Variants in KIAA0232 observed in about 807,000 individuals in gnomAD.
The protein encoded by KIAA0232 is uncharacterized protein KIAA0232.
Under a neutral mutation model 122.0 loss-of-function variants are expected in KIAA0232, and 27 were observed. That is an observed-to-expected ratio of 0.22 (90% confidence interval 0.16 to 0.31). KIAA0232 has a LOEUF of 0.31. Ranked by LOEUF, KIAA0232 falls within the 10% of genes least tolerant of loss-of-function variation. The pLI is 1.00. For synonymous variants in KIAA0232, 613 were observed against 587.6 expected (o/e 1.04, Z -0.63); for missense variants, 1,551 against 1,634.2 (o/e 0.95, Z 0.88).
chr4:6,846,401 G>A (rs533766392), intron 4 of KIAA0232, among the ~76,000 whole-genome samples: 1 of 152,144 alleles, frequency 6.6e-6, no homozygotes, highest in Non-Finnish European at 1.5e-5. Flanking sequence ...AAGCTTTACC[G>A]CCTGAGCTCC....
intron 7 of KIAA0232, among the ~76,000 whole-genome samples, chr4:6,871,144 A>T (rs184394329): frequency 6.2e-4 from 95 of 152,164 alleles, no homozygotes; most frequent in Admixed American, 1.7e-3. Flanking sequence ...ATAAAAACTC[A>T]CCAGTTGGCT....
At chr4:6,829,765 A>C (rs1718871995) in intron 3 of KIAA0232, among the ~76,000 whole-genome samples, 1 of 152,248 alleles carries the variant, frequency 6.6e-6, no homozygotes, top group Non-Finnish European at 1.5e-5. Flanking sequence ...GACTAAAAGG[A>C]GAACTTCAGT....
chr4:6,844,277 A>G (rs1719837065), intron 4 of KIAA0232, among the ~76,000 whole-genome samples: 1 of 151,892 alleles, frequency 6.6e-6, no homozygotes, highest in African/African-American at 2.4e-5. Flanking sequence ...TGCCTAGCAC[A>G]GTGAGTGCTT....
chr4:6,826,151 A>G (rs1023530631), intron 3 of KIAA0232, among the ~76,000 whole-genome samples: 1 of 152,194 alleles, frequency 6.6e-6, no homozygotes, highest in Non-Finnish European at 1.5e-5. Context: ...TGTGCAGAGC[A>G]TGTTTGATGA....
At chr4:6,848,144 G>A (rs538092912) in intron 4 of KIAA0232, among the ~76,000 whole-genome samples, 2 of 152,310 alleles carry the variant, frequency 1.3e-5, no homozygotes, top group African/African-American at 4.8e-5. Flanking sequence ...AAGTAGAGTA[G>A]AGTCTTAACA....
At chr4:6,833,770 A>G (rs1245696859) in intron 3 of KIAA0232, among the ~76,000 whole-genome samples, 3 of 152,272 alleles carry the variant, frequency 2.0e-5, no homozygotes, top group Non-Finnish European at 4.4e-5. Flanking sequence ...TAGCATATAC[A>G]TCACTGGATA....
At chr4:6,804,178 C>T (rs765094833) in intron 1 of KIAA0232, among the ~76,000 whole-genome samples, 12 of 152,140 alleles carry the variant, frequency 7.9e-5, no homozygotes, top group Non-Finnish European at 1.5e-4. Flanking sequence ...AATTTGGTAG[C>T]ATTTCTAACA....
At chr4:6,848,221 C>T (rs1720077142) in intron 4 of KIAA0232, among the ~76,000 whole-genome samples, 1 of 152,184 alleles carries the variant, frequency 6.6e-6, no homozygotes, top group African/African-American at 2.4e-5. Context: ...AGTAAAAGTA[C>T]AGAGTACAAC....
At chr4:6,787,177 C>CA (rs34617834) in intron 1 of KIAA0232, among the ~76,000 whole-genome samples, 1,131 of 80,712 alleles carry the variant, frequency 0.014, 8 homozygotes, top group East Asian at 0.065. Context: ...AAGGCTCTCT[C>CA]AAAAAAAAAA....
intron 2 of KIAA0232, among the ~76,000 whole-genome samples, chr4:6,812,148 G>C (rs900076695): frequency 3.9e-5 from 6 of 152,154 alleles, no homozygotes; most frequent in Non-Finnish European, 7.3e-5. Flanking sequence ...TGGAACGTGG[G>C]GAGGGGCATA....
At chr4:6,815,099 A>G (rs984645925) in intron 2 of KIAA0232, among the ~76,000 whole-genome samples, 2 of 152,036 alleles carry the variant, frequency 1.3e-5, no homozygotes, top group African/African-American at 4.8e-5. Context: ...ACTTTTTTAT[A>G]GAATTTAAAC....
chr4:6,803,859 T>C (rs1173784143), intron 1 of KIAA0232, among the ~76,000 whole-genome samples: 1 of 152,232 alleles, frequency 6.6e-6, no homozygotes, highest in Non-Finnish European at 1.5e-5. Flanking sequence ...GACTTGAACA[T>C]ATCTGAAATT....
At chr4:6,789,518 T>C (rs1040910142) in intron 1 of KIAA0232, among the ~76,000 whole-genome samples, 3 of 150,256 alleles carry the variant, frequency 2.0e-5, no homozygotes, top group Non-Finnish European at 3.0e-5. Context: ...ATGATCTTCC[T>C]GCCTCGGCCT....
intron 7 of KIAA0232, among the ~76,000 whole-genome samples, chr4:6,869,285 A>G (rs1225203966): frequency 6.6e-6 from 1 of 152,236 alleles, no homozygotes; most frequent in African/African-American, 2.4e-5. Flanking sequence ...CATTCCTGCA[A>G]AGAGCTTTTT....
chr4:6,865,950 T>C (rs913992447), intron 7 of KIAA0232, among the ~76,000 whole-genome samples: 4 of 152,208 alleles, frequency 2.6e-5, no homozygotes, highest in African/African-American at 9.6e-5. Context: ...GCCTTACTTA[T>C]TTGTCGCATC....
chr4:6,793,239 A>G (rs1716984835), intron 1 of KIAA0232, among the ~76,000 whole-genome samples: 2 of 152,186 alleles, frequency 1.3e-5, no homozygotes, highest in South Asian at 2.1e-4. Context: ...ATGTGTATAT[A>G]AACAACATTG....
At chr4:6,811,482 A>ACCTAGG (rs1717873657) in intron 2 of KIAA0232, among the ~76,000 whole-genome samples, 1 of 152,154 alleles carries the variant, frequency 6.6e-6, no homozygotes, top group Non-Finnish European at 1.5e-5. Flanking sequence ...TCACTCTGTC[A>ACCTAGG]CCTAGGCTGG....
Position 6,862,714 on chromosome 4 carries a change from C to A in KIAA0232, c.2332C>A (p.Pro778Thr). Reference protein sequence around the residue: ...QQNSRTLGEIPTLVFKKTSKL... With the variant: ...QQNSRTLGEITTLVFKKTSKL... The stretch of plus-strand genomic sequence containing the variant: ...AAACAGTAGAACTTTAGGTGAGATT[C>A]CTACATTAGTTTTCAAAAAAACATC... Residue 778 changes from proline to threonine, a missense_variant, in exon 7 of 10, where the codon CCT (proline) becomes ACT (threonine). Physicochemically the swap from Pro to Thr is conservative, Grantham distance 38. Coordinates refer to ENST00000307659, the MANE Select transcript of KIAA0232 (RefSeq NM_014743.3). 1 of 1,610,350 alleles carries A rather than the reference C, an allele frequency of 6.2e-7. No individual in the cohort carries two copies.
chr4:6,838,573 A>C (rs866163406), intron 3 of KIAA0232, among the ~76,000 whole-genome samples: 3 of 152,112 alleles, frequency 2.0e-5, no homozygotes, highest in East Asian at 3.8e-4. Context: ...ATATATTATT[A>C]TTCTTAAAAC....
Sources: gnomAD v4.1 joint callset for allele counts (sites outside exome capture counted in the v4.1 genomes callset) on GRCh38, gnomAD v4.1.1 for gene constraint, MANE v1.5 for transcripts, NCBI Gene and HGNC (gene_info 2026-07-23, HGNC 2026-07-21) for gene names.